ELOVL2: variants seen among roughly 807,000 people sequenced by gnomAD.
ELOVL2 encodes very long chain fatty acid elongase 2.
ELOVL2 carries 38 observed loss-of-function variants against 37.7 expected under a neutral mutation model. That is an observed-to-expected ratio of 1.01 (90% CI 0.78 to 1.32). The LOEUF (loss-of-function observed/expected upper bound fraction) is 1.32. ELOVL2 is among the 40% of genes most tolerant of loss of function. The pLI is 0.00. For missense variants in ELOVL2, 352 were observed against 363.6 expected (o/e 0.97, Z 0.26); for synonymous variants, 115 against 122.3 (o/e 0.94, Z 0.40).
At chr6:11,028,778 A>C (rs1782874113) in intron 1 of ELOVL2, among the ~76,000 whole-genome samples, 1 of 152,000 alleles carries the variant, frequency 6.6e-6, no homozygotes, top group African/African-American at 2.4e-5. Flanking sequence ...ATTATATCCT[A>C]TTATCTCACT....
At chr6:11,034,336 C>G (rs1221235566) in intron 1 of ELOVL2, among the ~76,000 whole-genome samples, 1 of 152,200 alleles carries the variant, frequency 6.6e-6, no homozygotes, top group African/African-American at 2.4e-5. Context: ...TTTGACTTCT[C>G]TCTCCTAGCA....
chr6:11,027,710 TA>T (rs1415700990), intron 1 of ELOVL2, among the ~76,000 whole-genome samples: 7 of 33,712 alleles, frequency 2.1e-4, no homozygotes, highest in African/African-American at 4.1e-4. Context: ...GCAAGCAGCC[TA>T]AGATAAGGAA....
At chr6:11,039,939 G>GA (rs1330194212) in intron 1 of ELOVL2, among the ~76,000 whole-genome samples, 1 of 152,152 alleles carries the variant, frequency 6.6e-6, no homozygotes, top group African/African-American at 2.4e-5. Context: ...GTGATTCAGC[G>GA]AGAGATATAC....
intron 3 of ELOVL2, among the ~76,000 whole-genome samples, chr6:11,002,650 GTTCTTCC>G (rs1371142452): frequency 6.6e-6 from 1 of 152,184 alleles, no homozygotes; most frequent in Non-Finnish European, 1.5e-5. Context: ...GTGCAGATAC[GTTCTTCC>G]TAGAAAGAAG....
Position 11,035,254 on chromosome 6 carries a change from G to A in ELOVL2, c.3+8974C>T, listed in dbSNP as rs139289847. On this transcript the variant is annotated intron_variant, in intron 1 of 7. Coordinates refer to ENST00000354666, the MANE Select transcript of ELOVL2 (RefSeq NM_017770.4). ...CCCCTTCATGAAGCATACACAAAAC[G>A]ATTTTGCTAGAAGTTCTTCCCATTC... 2.0e-3 allele frequency among the ~76,000 whole-genome samples: 302 copies of A among 152,134 alleles called. 4 individuals are homozygous for A. Among genetic ancestry groups the A allele is most frequent in the East Asian group, 3.1e-3 (16 of 5,172 alleles).
At chr6:11,009,785 T>C (rs991214677) in intron 2 of ELOVL2, among the ~76,000 whole-genome samples, 4 of 152,186 alleles carry the variant, frequency 2.6e-5, no homozygotes, top group African/African-American at 9.7e-5. Flanking sequence ...GGTTTTTACC[T>C]GAGAGCAGTG....
chr6:10,985,112 C>T (rs1010795452), intron 7 of ELOVL2, among the ~76,000 whole-genome samples: 9 of 152,076 alleles, frequency 5.9e-5, no homozygotes, highest in African/African-American at 1.9e-4. Flanking sequence ...CTCTGATGGC[C>T]AGTGATGGTG....
intron 1 of ELOVL2, among the ~76,000 whole-genome samples, chr6:11,014,561 T>C (rs1205068183): frequency 6.6e-6 from 1 of 150,746 alleles, no homozygotes; most frequent in Non-Finnish European, 1.5e-5. Flanking sequence ...TCCCTCCCTT[T>C]TCCTTCTCCC....
chr6:11,003,375 A>G (rs996294501), intron 3 of ELOVL2, among the ~76,000 whole-genome samples: 3 of 151,512 alleles, frequency 2.0e-5, no homozygotes, highest in Non-Finnish European at 2.9e-5. Context: ...TCATTGTTCA[A>G]CTCCCACTTA....
At chr6:10,995,680 T>C (rs1304182323) in intron 4 of ELOVL2, among the ~76,000 whole-genome samples, 1 of 152,218 alleles carries the variant, frequency 6.6e-6, no homozygotes, top group Non-Finnish European at 1.5e-5. Flanking sequence ...GCCCTTTCCT[T>C]TTTCAGGCTG....
intron 1 of ELOVL2, among the ~76,000 whole-genome samples, chr6:11,021,148 C>T (rs1156577645): frequency 6.6e-6 from 1 of 152,212 alleles, no homozygotes; most frequent in Admixed American, 6.5e-5. Flanking sequence ...CCTTCCAAAT[C>T]CTCAGATGTC....
At position 10,984,056 on chromosome 6, in the gene ELOVL2, C is replaced by T. The variant is rs552369856; in HGVS notation, c.766-150G>A. 104 of 739,610 alleles carry T rather than the reference C, an allele frequency of 1.4e-4. 1 individual carries two copies. The South Asian group carries it at 2.1e-3, about 15-fold the overall frequency. The allele number at this position is 739,610 out of a possible 1,614,324, so 45.8% of individuals were successfully genotyped here. A position where few individuals can be genotyped will look rare whatever the true frequency, so the allele number is the denominator to read the frequency against. On this transcript the variant is annotated intron_variant, in intron 7 of 7. Coordinates refer to ENST00000354666, the MANE Select transcript of ELOVL2 (RefSeq NM_017770.4). Reference sequence around the variant, plus strand: ...TTTTTGAGGCAGAGTTTCAATCTGTCACCCAGGCTGGAGTGCAATGGCACG... The same window carrying T: ...TTTTTGAGGCAGAGTTTCAATCTGTTACCCAGGCTGGAGTGCAATGGCACG...
intron 4 of ELOVL2, among the ~76,000 whole-genome samples, chr6:10,996,068 C>T (rs1782263373): frequency 6.6e-6 from 1 of 152,148 alleles, no homozygotes; most frequent in African/African-American, 2.4e-5. Flanking sequence ...TCAAGTCAGT[C>T]TCATCTATAG....
At chr6:11,015,482 C>T (rs1270300555) in intron 1 of ELOVL2, 2 of 154,060 alleles carry the variant, frequency 1.3e-5, no homozygotes, top group African/African-American at 4.8e-5. Flanking sequence ...CCAGCAGCAC[C>T]AGCACCACCT....
chr6:10,997,955 T>C (rs1581864090), intron 4 of ELOVL2, among the ~76,000 whole-genome samples: 1 of 152,148 alleles, frequency 6.6e-6, no homozygotes. Flanking sequence ...TCATCCCCAA[T>C]GTCGGAGGTG....
At chr6:11,018,125 A>T (rs1782712858) in intron 1 of ELOVL2, among the ~76,000 whole-genome samples, 1 of 152,122 alleles carries the variant, frequency 6.6e-6, no homozygotes, top group African/African-American at 2.4e-5. Flanking sequence ...CAGAAAAAAA[A>T]TTGCCTATAT....
chr6:10,983,654 G>T lies in ELOVL2; in HGVS notation c.*127C>A. On this transcript the variant is annotated 3_prime_UTR_variant, in exon 8 of 8. Coordinates refer to ENST00000354666, the MANE Select transcript of ELOVL2 (RefSeq NM_017770.4). ...AATAGCAATATATTAATACATTCTG[G>T]GTACAAATGATTTATGAACTCAAAA... The T allele has an allele frequency of 9.8e-7, 1 of 1,024,334 alleles. No homozygotes were observed. Among genetic ancestry groups the T allele is most frequent in the Non-Finnish European group, 1.4e-6 (1 of 724,020 alleles). The allele number at this position is 1,024,334 out of a possible 1,614,324, so 63.5% of individuals were successfully genotyped here. A position where few individuals can be genotyped will look rare whatever the true frequency, so the allele number is the denominator to read the frequency against.
chr6:10,986,676 G>A (rs1782058879), intron 7 of ELOVL2, among the ~76,000 whole-genome samples: 2 of 152,238 alleles, frequency 1.3e-5, no homozygotes, highest in East Asian at 3.9e-4. Flanking sequence ...TATTGAACCA[G>A]CCTTGCATCC....
At chr6:11,014,077 G>A (rs1261984875) in intron 1 of ELOVL2, among the ~76,000 whole-genome samples, 1 of 152,174 alleles carries the variant, frequency 6.6e-6, no homozygotes, top group Non-Finnish European at 1.5e-5. Flanking sequence ...CAGCAAATAT[G>A]AGAAGAATGG....
Sources: gnomAD v4.1 joint callset for allele counts (sites outside exome capture counted in the v4.1 genomes callset) on GRCh38, gnomAD v4.1.1 for gene constraint, MANE v1.5 for transcripts, NCBI Gene and HGNC (gene_info 2026-07-23, HGNC 2026-07-21) for gene names.